PPA2: variants seen among roughly 807,000 people sequenced by gnomAD.
The protein encoded by PPA2 is inorganic pyrophosphatase 2, also known as inorganic pyrophosphatase 2, mitochondrial.
In PPA2, 48 loss-of-function variants were observed where a neutral mutation model predicts 49.5. The ratio of observed to expected loss-of-function variants is 0.97; its 90% CI spans 0.77 to 1.23. The LOEUF is 1.23. Ranked by LOEUF, PPA2 falls within the 50% of genes most tolerant of loss-of-function variation. PPA2 has a pLI of 0.00. For missense variants in PPA2, 429 were observed against 410.1 expected, an observed-to-expected ratio of 1.05 and a Z score of -0.40; for synonymous variants, 131 against 139.9, an observed-to-expected ratio of 0.94 and a Z score of 0.45.
intron 7 of PPA2, among the ~76,000 whole-genome samples, chr4:105,414,474 G>C (rs1006486715): frequency 8.5e-5 from 13 of 152,256 alleles, no homozygotes; most frequent in African/African-American, 2.9e-4. Flanking sequence ...CAGGTATGGA[G>C]TGGCAAAGGG....
chr4:105,471,694 G>A (rs2110337044), intron 1 of PPA2, among the ~76,000 whole-genome samples: 1 of 152,054 alleles, frequency 6.6e-6, no homozygotes, highest in Admixed American at 6.5e-5. Flanking sequence ...TACCCCATTC[G>A]CCCTAGAGTG....
chr4:105,465,050 T>C (rs1195713425), intron 1 of PPA2, among the ~76,000 whole-genome samples: 1 of 152,210 alleles, frequency 6.6e-6, no homozygotes, highest in Non-Finnish European at 1.5e-5. Flanking sequence ...CAAAAATTTC[T>C]CTTAGATAAG....
chr4:105,421,744 C>A lies in PPA2; in HGVS notation c.655+2452G>T, dbSNP rs187608399. ...AGGAATGAGAAAAAAATGTGTGATTCTTAAAACTACCAAACTTGCTGGGCA... is the reference window on the plus strand; with the variant it reads ...AGGAATGAGAAAAAAATGTGTGATTATTAAAACTACCAAACTTGCTGGGCA... On this transcript the variant is annotated intron_variant, in intron 7 of 11. Transcript: ENST00000341695. Among the ~76,000 whole-genome samples the A allele has an allele frequency of 3.0e-3, 463 of 152,160 alleles. 2 individuals carry two copies. Among genetic ancestry groups the A allele is most frequent in the African/African-American group, 0.01 (436 of 41,536 alleles).
intron 5 of PPA2, among the ~76,000 whole-genome samples, chr4:105,439,463 TC>T (rs1184895482): frequency 6.6e-6 from 1 of 152,164 alleles, no homozygotes; most frequent in African/African-American, 2.4e-5. Context: ...TTCCCAGTCT[TC>T]CCGTTACTGC....
chr4:105,416,194 C>T (rs957901799), intron 7 of PPA2, among the ~76,000 whole-genome samples: 1 of 152,174 alleles, frequency 6.6e-6, no homozygotes, highest in Non-Finnish European at 1.5e-5. Flanking sequence ...ACATATACTT[C>T]CACAAATGTT....
intron 7 of PPA2, among the ~76,000 whole-genome samples, chr4:105,411,496 A>C (rs1722756245): frequency 6.6e-6 from 1 of 152,228 alleles, no homozygotes; most frequent in Admixed American, 6.5e-5. Context: ...CTGAATGGGC[A>C]AAAACTGGAA....
At chr4:105,462,427 A>C (rs548777841) in intron 1 of PPA2, among the ~76,000 whole-genome samples, 93 of 152,340 alleles carry the variant, frequency 6.1e-4, no homozygotes, top group African/African-American at 2.2e-3. Context: ...CTGAAAAAAT[A>C]ATAGTTTCTA....
Position 105,473,949 on chromosome 4 carries a change from C to G in PPA2, c.102G>C (p.Leu34=), listed in dbSNP as rs1328644248. Residue 34 remains leucine, a synonymous_variant, in exon 1 of 12, where the codon CTG becomes CTC. Transcript: ENST00000341695. ...GCTGGCCGCGCTCCTCAGTGTGGTA[C>G]AGGGCCATAGCACGGCGCGACCCGG... ...AGTGSRRAMA[L]YHTEERGQPC... 1.2e-6 allele frequency: 2 copies of G among 1,612,606 alleles called. No homozygotes were observed. The highest frequency in any genetic ancestry group is 1.7e-6 in the Non-Finnish European group (2 of 1,179,558).
intron 6 of PPA2, among the ~76,000 whole-genome samples, chr4:105,429,952 T>C (rs985245839): frequency 6.6e-6 from 1 of 152,224 alleles, no homozygotes; most frequent in Non-Finnish European, 1.5e-5. Context: ...AGATGTTCCA[T>C]GTGCTTAAGA....
In PPA2 at chr4:105,414,745, G is replaced by A. The variant is rs958356737; in HGVS notation, c.655+9451C>T. On this transcript the variant is annotated intron_variant, in intron 7 of 11. Coordinates refer to ENST00000341695, the MANE Select transcript of PPA2 (RefSeq NM_176869.3). The stretch of plus-strand genomic sequence containing the variant: ...ATGTGGCGAGCAGGATCAGGAGGTG[G>A]CATGTTTCAGCCTTGTTTGCCTTAG... Among the ~76,000 whole-genome samples the A allele has an allele frequency of 1.3e-5, 2 of 152,218 alleles. 1 individual carries two copies. The highest frequency in any genetic ancestry group is 2.9e-5 in the Non-Finnish European group (2 of 68,038).
chr4:105,426,787 A>G (rs906808202), intron 6 of PPA2, among the ~76,000 whole-genome samples: 2 of 152,232 alleles, frequency 1.3e-5, no homozygotes, highest in Admixed American at 1.3e-4. Flanking sequence ...CATCTGAACA[A>G]AAGGGAGCAG....
intron 6 of PPA2, among the ~76,000 whole-genome samples, chr4:105,428,687 G>T: frequency 6.6e-6 from 1 of 151,734 alleles, no homozygotes; most frequent in Admixed American, 6.6e-5. Context: ...GGGGCTAGGG[G>T]AGGGATAGCA....
intron 6 of PPA2, among the ~76,000 whole-genome samples, chr4:105,437,114 TA>T (rs1395294155): frequency 2.6e-5 from 4 of 151,628 alleles, no homozygotes; most frequent in South Asian, 2.1e-4. Flanking sequence ...AGAAAAACAT[TA>T]AAAAGTGCGC....
chr4:105,381,501 G>A (rs1030636940), intron 10 of PPA2, among the ~76,000 whole-genome samples: 1 of 151,920 alleles, frequency 6.6e-6, no homozygotes, highest in African/African-American at 2.4e-5. Context: ...AAAATAGACT[G>A]ACTTCATGAA....
At chr4:105,405,522 T>C in intron 7 of PPA2, 2 of 924,420 alleles carry the variant, frequency 2.2e-6, no homozygotes, top group Non-Finnish European at 2.6e-6. Context: ...ATAAATAGAA[T>C]TACTTGAGTG....
At chr4:105,450,178 T>C (rs1332974969) in intron 3 of PPA2, among the ~76,000 whole-genome samples, 2 of 152,188 alleles carry the variant, frequency 1.3e-5, no homozygotes, top group Non-Finnish European at 2.9e-5. Context: ...GCACACATTT[T>C]GACATCAATA....
At chr4:105,417,768 T>C (rs1280891585) in intron 7 of PPA2, among the ~76,000 whole-genome samples, 2 of 152,180 alleles carry the variant, frequency 1.3e-5, no homozygotes, top group Admixed American at 1.3e-4. Flanking sequence ...ATCTCTATCA[T>C]TGTCCCACTG....
chr4:105,393,144 G>A (rs545265072), intron 9 of PPA2, among the ~76,000 whole-genome samples: 1 of 152,092 alleles, frequency 6.6e-6, no homozygotes, highest in Non-Finnish European at 1.5e-5. Context: ...GGCAAGAAAG[G>A]TTATCTAAAT....
intron 5 of PPA2, among the ~76,000 whole-genome samples, chr4:105,438,501 A>C (rs113686977): frequency 7.9e-5 from 12 of 152,342 alleles, no homozygotes; most frequent in African/African-American, 2.9e-4. Context: ...GAAAGGACAA[A>C]ACACTACTAA....
Sources: allele counts gnomAD v4.1 joint callset (sites outside exome capture counted in the v4.1 genomes callset), GRCh38; gene constraint gnomAD v4.1.1; transcripts MANE v1.5; gene names NCBI Gene and HGNC (gene_info 2026-07-23, HGNC 2026-07-21).